Variants in DRP2 observed in about 807,000 individuals in gnomAD.
The protein encoded by DRP2 is dystrophin-related protein 2.
Under a neutral mutation model 78.2 loss-of-function variants are expected in DRP2, and 29 were observed. The observed-to-expected ratio is 0.37, with a 90% CI of 0.28 to 0.51. The LOEUF (loss-of-function observed/expected upper bound fraction) is 0.51, where lower values mean the gene tolerates loss of function less well. DRP2 is among the 20% of genes least tolerant of loss of function. DRP2 has a pLI of 0.94. For missense variants in DRP2, 686 were observed against 770.6 expected (o/e 0.89, Z 1.30); for synonymous variants, 290 against 281.9 (o/e 1.03, Z -0.29).
chrX:101,261,540 A>G lies in DRP2; in HGVS notation c.*919A>G, dbSNP rs1263016964. 1.8e-5 allele frequency: 2 copies of G among 111,124 alleles called. No individual in the cohort carries two copies. The highest frequency in any genetic ancestry group is 3.8e-5 in the Non-Finnish European group (2 of 52,998). The allele number at this position is 111,124 out of a possible 1,213,427, so 9.2% of individuals were successfully genotyped here. A position where few individuals can be genotyped will look rare whatever the true frequency, so the allele number is the denominator to read the frequency against. The stretch of plus-strand genomic sequence containing the variant: ...GGTAAGGAAGAGGAAGCCCACCTCA[A>G]GTCTGGAGTAGTATGACTGCCATCC... On this transcript the variant is annotated 3_prime_UTR_variant, in exon 24 of 24. Coordinates refer to ENST00000395209, the MANE Select transcript of DRP2 (RefSeq NM_001939.3).
At chrX:101,250,614 G>T in intron 15 of DRP2, 34 bp downstream of exon 15, 6 of 1,163,880 alleles carry the variant, frequency 5.2e-6, no homozygotes, top group Non-Finnish European at 6.9e-6. Context: ...GGGAGGGAAG[G>T]GAGGTTGCAG....
At chrX:101,244,304 A>G (rs898131470) in intron 9 of DRP2, among the ~76,000 whole-genome samples, 3 of 111,852 alleles carry the variant, frequency 2.7e-5, no homozygotes, top group Non-Finnish European at 3.8e-5. Flanking sequence ...CAGACAGAAA[A>G]ATGAGATATG....
At position 101,250,420 on chromosome X, in the gene DRP2, C is replaced by T. The variant is rs1342920917; in HGVS notation, c.1541-3C>T. On this transcript the variant is annotated splice_polypyrimidine_tract_variant and splice_region_variant and intron_variant, in intron 14 of 23. Coordinates refer to ENST00000395209, the MANE Select transcript of DRP2 (RefSeq NM_001939.3). ...TGGCCATTCTTGACGGTGGGGCCAGCAGACCTCTTCAGCCAAGTGGCCAAC... is the reference window on the plus strand; with the variant it reads ...TGGCCATTCTTGACGGTGGGGCCAGTAGACCTCTTCAGCCAAGTGGCCAAC... 1 of 1,211,596 alleles carries T rather than the reference C, an allele frequency of 8.3e-7. No homozygotes were observed. The highest frequency in any genetic ancestry group is 3.0e-5 in the East Asian group (1 of 33,842).
chrX:101,240,480 C>A (rs1445013721), intron 6 of DRP2, among the ~76,000 whole-genome samples: 2 of 112,644 alleles, frequency 1.8e-5, no homozygotes, highest in African/African-American at 6.4e-5. Flanking sequence ...AAGTGATCGG[C>A]CTGCTTGGCC....
intron 21 of DRP2, 130 bp from the exon 22 acceptor site, chrX:101,258,179 A>ATGGGGG (rs1923417384): frequency 4.6e-6 from 2 of 437,676 alleles, no homozygotes; most frequent in Admixed American, 5.1e-5. Flanking sequence ...GGGGGTGGGG[A>ATGGGGG]TGGGGGTGGG....
chrX:101,248,236 A>G lies in DRP2; in HGVS notation c.1400A>G (p.Asn467Ser). 5.0e-6 allele frequency: 6 copies of G among 1,211,762 alleles called. No homozygotes were observed. The highest frequency in any genetic ancestry group is 6.7e-6 in the Non-Finnish European group (6 of 895,560). The part of the protein sequence containing the change: ...RLEEERGILV[N>S]VPLCVDMSLN... ...GAGGAGGAAAGAGGCATCCTGGTCA[A>G]CGTGCCACTCTGTGTGGACATGAGC... The change falls in exon 13 of 24, where the codon AAC becomes AGC. Residue 467 changes from asparagine (N) to serine (S), a missense_variant. This residue lies in a region of DRP2 where 423 missense variants were observed against 531.5 expected (regional missense o/e 0.80). Coordinates refer to ENST00000395209, the MANE Select transcript of DRP2 (RefSeq NM_001939.3).
rs1771004232 is a variant in DRP2 at position 101,262,912 on chromosome X, GA to G, written c.*2294del. The G allele has an allele frequency of 9.0e-6, 1 of 111,286 alleles. No individual in the cohort carries two copies. Among genetic ancestry groups the G allele is most frequent in the African/African-American group, 3.3e-5 (1 of 30,525 alleles). The allele number at this position is 111,286 out of a possible 1,213,427, so 9.2% of individuals were successfully genotyped here. On this transcript the variant is annotated 3_prime_UTR_variant, in exon 24 of 24. Coordinates refer to ENST00000395209, the MANE Select transcript of DRP2 (RefSeq NM_001939.3). ...ATGTTATGGAGCAATTTTTTACCAG[GA>G]AAGTCCTGGAAAATCTTTTCTGTTA...
At chrX:101,255,676 T>TGACA (rs761359959) in intron 20 of DRP2, among the ~76,000 whole-genome samples, 1 of 111,052 alleles carries the variant, frequency 9.0e-6, no homozygotes, top group South Asian at 3.9e-4. Context: ...CTCCCTGGTA[T>TGACA]GACAGCCCAG....
At chrX:101,240,925 T>G (rs759676792) in intron 6 of DRP2, among the ~76,000 whole-genome samples, 1 of 111,496 alleles carries the variant, frequency 9.0e-6, no homozygotes, top group Non-Finnish European at 1.9e-5. Flanking sequence ...GAAGAAGAAA[T>G]CTACAGATTA....
intron 17 of DRP2, 121 bp from the exon 18 acceptor site, chrX:101,254,304 A>C: frequency 1.1e-6 from 1 of 877,510 alleles, no homozygotes; most frequent in Non-Finnish European, 1.6e-6. Flanking sequence ...GGAGCAGGGT[A>C]TGGTGGGCAT....
chrX:101,250,680 G>T, intron 15 of DRP2, 100 bp downstream of exon 15: 2 of 1,048,380 alleles, frequency 1.9e-6, no homozygotes, highest in Non-Finnish European at 2.6e-6. Context: ...TCTGAAGTAC[G>T]CAGATGCAAG....
At chrX:101,242,814 G>A (rs1922780684) in intron 8 of DRP2, 90 bp from the exon 9 acceptor site, 1 of 883,941 alleles carries the variant, frequency 1.1e-6, no homozygotes, top group Non-Finnish European at 1.6e-6. Context: ...CAGTCCCTGA[G>A]GAAGCTCATA....
chrX:101,224,909 G>T (rs180739170), intron 2 of DRP2, among the ~76,000 whole-genome samples: 2 of 112,533 alleles, frequency 1.8e-5, no homozygotes, highest in East Asian at 5.6e-4. Flanking sequence ...ACATTTGAGT[G>T]AATGCAGATT....
chrX:101,226,394 C>T (rs1158731235), intron 2 of DRP2, among the ~76,000 whole-genome samples: 1 of 111,998 alleles, frequency 8.9e-6, no homozygotes, highest in Non-Finnish European at 1.9e-5. Flanking sequence ...TATACATCTC[C>T]AGTTTATGGG....
chrX:101,223,943 A>C (rs1001361576), intron 1 of DRP2, among the ~76,000 whole-genome samples: 3 of 110,457 alleles, frequency 2.7e-5, no homozygotes, highest in Non-Finnish European at 5.7e-5. Flanking sequence ...GAACTATAAC[A>C]AAGTTTGTTA....
At chrX:101,226,434 A>C (rs1187343223) in intron 2 of DRP2, among the ~76,000 whole-genome samples, 1 of 112,117 alleles carries the variant, frequency 8.9e-6, no homozygotes, top group Non-Finnish European at 1.9e-5. Context: ...AATATGTGGG[A>C]TATAAATAAA....
chrX:101,237,784 G>A lies in DRP2; in HGVS notation c.438+9G>A, dbSNP rs5921756. ...AGAAGGAGACACATGCGGTAGGTTA[G>A]AATCAGAGAAGCCGTGGTGTGTAGC... On this transcript the variant is annotated intron_variant, in intron 5 of 23. Coordinates refer to ENST00000395209, the MANE Select transcript of DRP2 (RefSeq NM_001939.3). The A allele has an allele frequency of 0.092, 103,434 of 1,121,122 alleles. 3,521 individuals carry two copies. The highest frequency in any genetic ancestry group is 0.14 in the African/African-American group (7,765 of 55,207). 92.4% of individuals were successfully genotyped at this position (1,121,122 alleles called of 1,213,427 possible).
At chrX:101,230,522 C>T (rs751796366) in intron 2 of DRP2, among the ~76,000 whole-genome samples, 204 of 110,250 alleles carry the variant, frequency 1.9e-3, no homozygotes, top group African/African-American at 6.4e-3. Context: ...GCGAGACTCC[C>T]GTCTAAAATA....
rs1922744934 is a variant in DRP2 at position 101,241,895 on chromosome X, C to G, written c.787C>G (p.Leu263Val). Residue 263 changes from leucine (L) to valine (V), a missense_variant, in exon 7 of 24, where the codon CTC (leucine) becomes GTC (valine). By Grantham distance (32) the Leu-to-Val change is conservative. Around this residue, in one of 2 missense-constraint regions of DRP2, gnomAD observed 263 missense variants for 239.1 expected, o/e 1.10. Coordinates refer to ENST00000395209, the MANE Select transcript of DRP2 (RefSeq NM_001939.3). The part of the protein sequence containing the change: ...VRATWEPIGD[L>V]FIDSLPEHIQ... ...AGCCACTTGGGAGCCCATTGGGGATCTCTTCATTGATTCACTCCCAGAGCA... is the reference window on the plus strand; with the variant it reads ...AGCCACTTGGGAGCCCATTGGGGATGTCTTCATTGATTCACTCCCAGAGCA... The G allele has an allele frequency of 1.7e-6, 2 of 1,170,899 alleles. No homozygotes were observed. Among genetic ancestry groups the G allele is most frequent in the Non-Finnish European group, 2.3e-6 (2 of 875,614 alleles).
Sources: allele counts gnomAD v4.1 joint callset (sites outside exome capture counted in the v4.1 genomes callset), GRCh38; gene constraint gnomAD v4.1.1; regional missense constraint gnomAD v4.1.1; transcripts MANE v1.5; gene names NCBI Gene and HGNC (gene_info 2026-07-23, HGNC 2026-07-21).